Variants in HDAC4 observed in about 807,000 individuals in gnomAD.
HDAC4 encodes the protein histone deacetylase 4, also known as histone deacetylase A.
Under a neutral mutation model 135.1 loss-of-function variants are expected in HDAC4, and 16 were observed. That is an observed-to-expected ratio of 0.12 (90% confidence interval 0.08 to 0.18). The LOEUF is 0.18. Ranked by LOEUF, HDAC4 falls within the 10% of genes least tolerant of loss-of-function variation. The probability of loss-of-function intolerance (pLI) is 1.00; values close to 1 mark genes in which losing one functional copy is unlikely to be tolerated. For synonymous variants in HDAC4, 685 were observed against 653.4 expected, an observed-to-expected ratio of 1.05 and a Z score of -0.74; for missense variants, 1,143 against 1,511.8, an observed-to-expected ratio of 0.76 and a Z score of 4.05.
chr2:239,163,721 C>T, intron 6 of HDAC4, 82 bp downstream of exon 6: 2 of 1,412,584 alleles, frequency 1.4e-6, no homozygotes, highest in Non-Finnish European at 2.0e-6. Context: ...GAAGAGCTGG[C>T]TCCATGCAAA....
At chr2:239,396,935 C>T (rs1171529433) in intron 1 of HDAC4, among the ~76,000 whole-genome samples, 5 of 151,600 alleles carry the variant, frequency 3.3e-5, no homozygotes, top group African/African-American at 1.2e-4. Flanking sequence ...TGCCTCCAGG[C>T]GTCCTGGGGA....
At chr2:239,329,646 G>GT (rs1691426220) in intron 2 of HDAC4, among the ~76,000 whole-genome samples, 1 of 152,122 alleles carries the variant, frequency 6.6e-6, no homozygotes, top group African/African-American at 2.4e-5. Flanking sequence ...AAGGACACAG[G>GT]TTATTTATAT....
chr2:239,090,620 G>T (rs1359492832), intron 17 of HDAC4, among the ~76,000 whole-genome samples: 1 of 149,410 alleles, frequency 6.7e-6, no homozygotes, highest in Non-Finnish European at 1.5e-5. Flanking sequence ...TCCAGTCTGG[G>T]TAACACAGTG....
intron 2 of HDAC4, among the ~76,000 whole-genome samples, chr2:239,334,859 T>G (rs1451590844): frequency 6.6e-6 from 1 of 151,464 alleles, no homozygotes; most frequent in South Asian, 2.1e-4. Context: ...CCCCCTCTAC[T>G]AAAAAATACA....
intron 3 of HDAC4, among the ~76,000 whole-genome samples, chr2:239,218,234 T>A (rs1191132522): frequency 6.6e-6 from 1 of 152,212 alleles, no homozygotes; most frequent in African/African-American, 2.4e-5. Context: ...ACAATCATTA[T>A]ATTAAAAACA....
chr2:239,130,225 G>T (rs1361216490), intron 11 of HDAC4, among the ~76,000 whole-genome samples: 1 of 152,212 alleles, frequency 6.6e-6, no homozygotes, highest in Non-Finnish European at 1.5e-5. Context: ...GAGCTTCTGG[G>T]GATGGAGCTG....
chr2:239,053,037 T>G lies in HDAC4; in HGVS notation c.*60A>C. ...GACGCAGGCGTGACACGGGAAAGTT[T>G]CTTGGCTGAGCTTCAAGACAGAGAC... On this transcript the variant is annotated 3_prime_UTR_variant, in exon 27 of 27. Coordinates refer to ENST00000543185, the MANE Select transcript of HDAC4 (RefSeq NM_001378414.1). The G allele has an allele frequency of 6.2e-7, 1 of 1,604,308 alleles. No homozygotes were observed. The highest frequency in any genetic ancestry group is 2.2e-5 in the East Asian group (1 of 44,828).
Position 239,222,098 on chromosome 2 carries a change from C to T in HDAC4, c.94+14495G>A, listed in dbSNP as rs143191247. 5.1e-4 allele frequency among the ~76,000 whole-genome samples: 78 copies of T among 152,272 alleles called. 1 individual carries two copies. The South Asian group carries it at 7.7e-3, about 15-fold the overall frequency. ...CCCACCCAAGGGATGACACCCTGTG[C>T]CAGCGCAAGGCCAGAAACAGATCAG... is the stretch of plus-strand genomic sequence containing the variant. On this transcript the variant is annotated intron_variant, in intron 3 of 26. Transcript: ENST00000543185.
intron 2 of HDAC4, among the ~76,000 whole-genome samples, chr2:239,310,540 G>A (rs1157464673): frequency 6.6e-6 from 1 of 152,238 alleles, no homozygotes; most frequent in African/African-American, 2.4e-5. Context: ...CCATGAGACT[G>A]CGTAGGGCAG....
chr2:239,054,708 C>G, intron 25 of HDAC4, 41 bp downstream of exon 25: 4 of 1,313,182 alleles, frequency 3.0e-6, no homozygotes, highest in Non-Finnish European at 4.4e-6. Flanking sequence ...GTCCCACCCC[C>G]AGGGGCGTGT....
At chr2:239,236,482 C>T (rs2047893249) in intron 3 of HDAC4, 111 bp downstream of exon 3, 2 of 845,522 alleles carry the variant, frequency 2.4e-6, no homozygotes, top group African/African-American at 1.7e-5. Context: ...ACCTGATACC[C>T]CACACCTCCC....
intron 6 of HDAC4, 85 bp downstream of exon 6, chr2:239,163,718 T>C: frequency 3.6e-6 from 5 of 1,385,920 alleles, no homozygotes; most frequent in Non-Finnish European, 4.1e-6. Context: ...GGTGAAGAGC[T>C]GGCTCCATGC....
rs1007917338 is a variant in HDAC4 at position 239,299,399 on chromosome 2, C to A, written c.22+53279G>T. On this transcript the variant is annotated intron_variant, in intron 2 of 26. Transcript: ENST00000543185. This position sits in a 1 kb window ranked among gnomAD's most constrained non-coding sequence, Gnocchi z 4.0. ...TCAGGACGGAGGTGCCTAACAATCC[C>A]AATAAAATGCTGACATGGGCTAATC... 3.9e-5 allele frequency among the ~76,000 whole-genome samples: 6 copies of A among 152,110 alleles called. No individual in the cohort carries two copies. The highest frequency in any genetic ancestry group is 3.9e-4 in the Admixed American group (6 of 15,272).
At chr2:239,384,021 C>T (rs1264963970) in intron 1 of HDAC4, among the ~76,000 whole-genome samples, 2 of 152,222 alleles carry the variant, frequency 1.3e-5, no homozygotes, top group Non-Finnish European at 2.9e-5. Flanking sequence ...GCGCAGTCCA[C>T]TCTCGCCTCT....
At chr2:239,209,034 G>A (rs571073226) in intron 3 of HDAC4, among the ~76,000 whole-genome samples, 5 of 152,182 alleles carry the variant, frequency 3.3e-5, no homozygotes, top group East Asian at 1.9e-4. Flanking sequence ...GCGCCATCAC[G>A]CATGGCTAGT....
At chr2:239,319,688 G>C (rs1211105660) in intron 2 of HDAC4, among the ~76,000 whole-genome samples, 3 of 152,222 alleles carry the variant, frequency 2.0e-5, no homozygotes, top group African/African-American at 7.2e-5. Context: ...ATGAATCAAA[G>C]TTGTGAAAAT....
At chr2:239,060,160 G>A (rs2032467915) in intron 24 of HDAC4, among the ~76,000 whole-genome samples, 1 of 152,220 alleles carries the variant, frequency 6.6e-6, no homozygotes, top group African/African-American at 2.4e-5. Flanking sequence ...TCCTAGAGGA[G>A]CGCACTGATG....
At chr2:239,202,145 C>A (rs1459936284) in intron 3 of HDAC4, among the ~76,000 whole-genome samples, 1 of 152,156 alleles carries the variant, frequency 6.6e-6, no homozygotes, top group Admixed American at 6.5e-5. Flanking sequence ...CATGCCCTCA[C>A]CTCATCCACG....
intron 3 of HDAC4, among the ~76,000 whole-genome samples, chr2:239,231,250 CG>C (rs2047535553): frequency 6.6e-6 from 1 of 152,210 alleles, no homozygotes; most frequent in South Asian, 2.1e-4. Flanking sequence ...AACCGTGGAA[CG>C]TGCTTCTCTT....
Sources: allele counts gnomAD v4.1 joint callset (sites outside exome capture counted in the v4.1 genomes callset), GRCh38; gene constraint gnomAD v4.1.1; non-coding constraint Gnocchi (gnomAD v3.1); transcripts MANE v1.5; gene names NCBI Gene and HGNC (gene_info 2026-07-23, HGNC 2026-07-21).